Variants in THRB observed in about 807,000 individuals in gnomAD.
THRB encodes nuclear receptor subfamily 1 group A member 2.
In THRB, 12 loss-of-function variants were observed where a neutral mutation model predicts 47.8. That is an observed-to-expected ratio of 0.25 (90% CI 0.16 to 0.41). The LOEUF (loss-of-function observed/expected upper bound fraction) is 0.41. Among genes scored for constraint, THRB ranks in the 10% least tolerant of loss-of-function variants. The pLI, the probability that THRB is intolerant of heterozygous loss-of-function variation, is 1.00. For synonymous variants in THRB, 218 were observed against 212.2 expected (o/e 1.03, Z -0.24); for missense variants, 348 against 589.2 (o/e 0.59, Z 4.24).
At chr3:24,269,289 A>T (rs1337999106) in intron 3 of THRB, among the ~76,000 whole-genome samples, 1 of 91,124 alleles carries the variant, frequency 1.1e-5, no homozygotes, top group African/African-American at 4.5e-5. Context: ...ACACACACAC[A>T]CACACACACA....
At chr3:24,126,619 T>G (rs1271544555) in intron 10 of THRB, among the ~76,000 whole-genome samples, 1 of 126,906 alleles carries the variant, frequency 7.9e-6, no homozygotes, top group Non-Finnish European at 1.7e-5. Flanking sequence ...GTAGTTACAG[T>G]GCAGAGTGAC....
chr3:24,221,208 C>T (rs895705025), intron 4 of THRB, among the ~76,000 whole-genome samples: 4 of 152,220 alleles, frequency 2.6e-5, no homozygotes, highest in African/African-American at 7.2e-5. Context: ...ACTCTTGGCT[C>T]ATTGCAAACA....
At chr3:24,474,653 AC>A (rs138230361) in intron 1 of THRB, among the ~76,000 whole-genome samples, 1,918 of 152,318 alleles carry the variant, frequency 0.013, 39 homozygotes, top group African/African-American at 0.043. Flanking sequence ...ACTCAAATAC[AC>A]AATCCTTCCA....
At chr3:24,385,230 C>T (rs897737679) in intron 1 of THRB, among the ~76,000 whole-genome samples, 1 of 151,964 alleles carries the variant, frequency 6.6e-6, no homozygotes, top group Admixed American at 6.6e-5. Flanking sequence ...ATTTGAAATG[C>T]TCAATTTTAT....
intron 2 of THRB, among the ~76,000 whole-genome samples, chr3:24,300,274 T>G (rs1289300072): frequency 1.3e-5 from 2 of 152,140 alleles, no homozygotes; most frequent in Non-Finnish European, 2.9e-5. Flanking sequence ...AGAAAGGAAT[T>G]TTTTTCACTT....
chr3:24,487,757 G>C (rs1697525930), intron 1 of THRB, among the ~76,000 whole-genome samples: 1 of 152,170 alleles, frequency 6.6e-6, no homozygotes, highest in Non-Finnish European at 1.5e-5. Context: ...ACTTGTCACA[G>C]AGACAGATTC....
intron 2 of THRB, among the ~76,000 whole-genome samples, chr3:24,304,259 T>A (rs2057172456): frequency 6.6e-6 from 1 of 152,154 alleles, no homozygotes; most frequent in African/African-American, 2.4e-5. Context: ...TGATTGTCCA[T>A]GGAATATTAA....
At chr3:24,200,470 C>T (rs571814620) in intron 4 of THRB, among the ~76,000 whole-genome samples, 4 of 152,150 alleles carry the variant, frequency 2.6e-5, no homozygotes, top group Non-Finnish European at 5.9e-5. Context: ...CAATGGTATA[C>T]ATCACCCTGT....
chr3:24,271,870 G>A (rs145743453), intron 3 of THRB, among the ~76,000 whole-genome samples: 1,676 of 152,078 alleles, frequency 0.011, 20 homozygotes, highest in South Asian at 0.042. Context: ...AAGGTAGAAG[G>A]GAAAATATTT....
intron 1 of THRB, among the ~76,000 whole-genome samples, chr3:24,474,298 G>A (rs965428147): frequency 6.6e-6 from 1 of 152,136 alleles, no homozygotes; most frequent in Non-Finnish European, 1.5e-5. Context: ...TAAAGCCAAA[G>A]GCAATTCAAT....
At position 24,117,727 on chromosome 3, in the gene THRB, T is replaced by A. The variant is rs925236217; in HGVS notation, c.*5157A>T. 1.3e-5 allele frequency: 2 copies of A among 152,230 alleles called. No individual in the cohort carries two copies. Among genetic ancestry groups the A allele is most frequent in the African/African-American group, 4.8e-5 (2 of 41,464 alleles). 9.4% of individuals were successfully genotyped at this position (152,230 alleles called of 1,614,324 possible). On this transcript the variant is annotated 3_prime_UTR_variant, in exon 11 of 11. Coordinates refer to ENST00000646209, the MANE Select transcript of THRB (RefSeq NM_001354712.2). Reference sequence around the variant, plus strand: ...CCCAGATCCAGCCATGCCTGAAGCTTTGGTATGCAATACCCTAGATCCCAG... The same window carrying A: ...CCCAGATCCAGCCATGCCTGAAGCTATGGTATGCAATACCCTAGATCCCAG...
At chr3:24,285,190 C>T (rs1211075140) in intron 3 of THRB, among the ~76,000 whole-genome samples, 1 of 149,206 alleles carries the variant, frequency 6.7e-6, no homozygotes, top group Non-Finnish European at 1.5e-5. Context: ...CCCAAATGTC[C>T]AACAATGATA....
At position 24,121,028 on chromosome 3, in the gene THRB, C is replaced by T. The variant is rs959470526; in HGVS notation, c.*1856G>A. On this transcript the variant is annotated 3_prime_UTR_variant, in exon 11 of 11. Coordinates refer to ENST00000646209, the MANE Select transcript of THRB (RefSeq NM_001354712.2). ...CTAGTATTGTGTCAAATTATTATTTCGAGCCAATAACAAATTTACGTTCCT... is the reference window on the plus strand; with the variant it reads ...CTAGTATTGTGTCAAATTATTATTTTGAGCCAATAACAAATTTACGTTCCT... The T allele has an allele frequency of 3.3e-5, 5 of 152,050 alleles. No homozygotes were observed. In the East Asian group the frequency reaches 7.7e-4, roughly 23 times the overall value. 9.4% of individuals were successfully genotyped at this position (152,050 alleles called of 1,614,324 possible).
chr3:24,215,001 T>A (rs1243867761), intron 4 of THRB, among the ~76,000 whole-genome samples: 1 of 152,240 alleles, frequency 6.6e-6, no homozygotes, highest in Admixed American at 6.5e-5. Context: ...TTTGAAACGT[T>A]TTCCACTTGA....
chr3:24,169,366 C>A (rs1394872394), intron 5 of THRB, among the ~76,000 whole-genome samples: 1 of 152,094 alleles, frequency 6.6e-6, no homozygotes, highest in Non-Finnish European at 1.5e-5. Flanking sequence ...ATGACTGGAG[C>A]CCCAGCCATC....
intron 1 of THRB, among the ~76,000 whole-genome samples, chr3:24,392,751 C>T (rs183054374): frequency 1.3e-5 from 2 of 152,162 alleles, no homozygotes; most frequent in East Asian, 3.9e-4. Flanking sequence ...ATATGAGTAA[C>T]ATTTGTACTT....
chr3:24,208,266 A>G (rs1267125989), intron 4 of THRB, among the ~76,000 whole-genome samples: 2 of 152,144 alleles, frequency 1.3e-5, no homozygotes, highest in African/African-American at 2.4e-5. Context: ...GAAAATGGCC[A>G]TACTGCCCAA....
Position 24,269,438 on chromosome 3 carries a change from CACACTT to C in THRB, c.-43+27782_-43+27787del, listed in dbSNP as rs1220456767. Reference sequence around the variant, plus strand: ...ACACACACACACACACACACACACACACACTTAAGTTATCTTCGCTGTGTTGTCCAG... The same window carrying C: ...ACACACACACACACACACACACACACAAGTTATCTTCGCTGTGTTGTCCAG... On this transcript the variant is annotated intron_variant, in intron 3 of 10. Coordinates refer to ENST00000646209, the MANE Select transcript of THRB (RefSeq NM_001354712.2). Among the ~76,000 whole-genome samples, 267 of 139,392 alleles carry C rather than the reference CACACTT, an allele frequency of 1.9e-3. 2 individuals are homozygous for C. Among genetic ancestry groups the C allele is most frequent in the African/African-American group, 7.4e-3 (249 of 33,816 alleles). The allele number at this position is 139,392 out of a possible 152,430, so 91.4% of individuals were successfully genotyped here.
chr3:24,128,361 C>T (rs570249854), intron 9 of THRB, among the ~76,000 whole-genome samples: 18 of 152,296 alleles, frequency 1.2e-4, no homozygotes, highest in African/African-American at 4.1e-4. Context: ...GAATTCAGAC[C>T]TCCTGACTCC....
Sources: allele counts gnomAD v4.1 joint callset (sites outside exome capture counted in the v4.1 genomes callset), GRCh38; gene constraint gnomAD v4.1.1; transcripts MANE v1.5; gene names NCBI Gene and HGNC (gene_info 2026-07-23, HGNC 2026-07-21).